Variants in GNAZ observed in about 807,000 individuals in gnomAD.
GNAZ encodes the protein G protein subunit alpha z.
In GNAZ, 3 loss-of-function variants were observed where a neutral mutation model predicts 25.4. The ratio of observed to expected loss-of-function variants is 0.12; its 90% CI spans 0.05 to 0.30. The LOEUF (loss-of-function observed/expected upper bound fraction) is 0.30. Among genes scored for constraint, GNAZ ranks in the 10% least tolerant of loss-of-function variants. The pLI is 1.00. For synonymous variants in GNAZ, 211 were observed against 205.7 expected (o/e 1.03, Z -0.22); for missense variants, 241 against 501.8 (o/e 0.48, Z 4.97).
rs1056359827 is a variant in GNAZ at position 23,095,663 on chromosome 22, G to A, written c.-33G>A. On this transcript the variant is annotated 5_prime_UTR_variant, in exon 2 of 3. In the 5' UTR this introduces an upstream ATG that the reference lacks. Transcript: ENST00000615612. Reference sequence around the variant, plus strand: ...GCAAGAGGGAGAGGTGCCCCATCCCGTGCTCCTTGTCTGGGCCCGCTGCTG... The same window carrying A: ...GCAAGAGGGAGAGGTGCCCCATCCCATGCTCCTTGTCTGGGCCCGCTGCTG... 1.6e-5 allele frequency: 25 copies of A among 1,572,592 alleles called. No homozygotes were observed. Among genetic ancestry groups the A allele is most frequent in the Middle Eastern group, 2.1e-4 (1 of 4,694 alleles).
chr22:23,096,608 G>A (rs1324981299), intron 2 of GNAZ, among the ~76,000 whole-genome samples, 190 bp downstream of exon 2: 2 of 152,300 alleles, frequency 1.3e-5, no homozygotes, highest in East Asian at 3.9e-4. Flanking sequence ...GAGTGCAGGT[G>A]TCATGTCCCA....
At chr22:23,087,778 A>G (rs141839950) in intron 1 of GNAZ, among the ~76,000 whole-genome samples, 24 of 152,188 alleles carry the variant, frequency 1.6e-4, no homozygotes, top group African/African-American at 5.8e-4. Flanking sequence ...GGGCCACAAG[A>G]TCAGATGAGC....
At position 23,123,863 on chromosome 22, in the gene GNAZ, C is replaced by T. The variant is rs1306626725; in HGVS notation, c.*432C>T. 4 of 219,770 alleles carry T rather than the reference C, an allele frequency of 1.8e-5. No homozygotes were observed. In the East Asian group the frequency reaches 3.3e-4, roughly 18 times the overall value. 13.6% of individuals were successfully genotyped at this position (219,770 alleles called of 1,614,324 possible). A position where few individuals can be genotyped will look rare whatever the true frequency, so the allele number is the denominator to read the frequency against. On this transcript the variant is annotated 3_prime_UTR_variant, in exon 3 of 3. Transcript: ENST00000615612. ...CCTGTCGCCTGGAGGAGGGCCAGCTCGCTGCCCGAGCTCTGGCCTAGGGAC... is the reference window on the plus strand; with the variant it reads ...CCTGTCGCCTGGAGGAGGGCCAGCTTGCTGCCCGAGCTCTGGCCTAGGGAC...
intron 2 of GNAZ, among the ~76,000 whole-genome samples, chr22:23,098,930 C>T (rs983514954): frequency 5.9e-5 from 9 of 152,366 alleles, no homozygotes; most frequent in Non-Finnish European, 1.0e-4. Context: ...CCTTTTGGAA[C>T]GTGCTGAACT....
chr22:23,100,582 T>C (rs1052773732), intron 2 of GNAZ, among the ~76,000 whole-genome samples: 1 of 152,164 alleles, frequency 6.6e-6, no homozygotes, highest in African/African-American at 2.4e-5. Flanking sequence ...CCTGGGGCCA[T>C]TGGCTTCCTG....
In GNAZ at chr22:23,071,117, G is replaced by C. The variant is rs568756160; in HGVS notation, c.-450+547G>C. On this transcript the variant is annotated intron_variant, in intron 1 of 2. Transcript: ENST00000615612. This position sits in a 1 kb window ranked among gnomAD's most constrained non-coding sequence, Gnocchi z 4.1. ...CGGTCACTGCTCTTGCAGCGAGCAG[G>C]TTCCTCACAGGCATTTAGAGGAAGA... 6.6e-6 allele frequency among the ~76,000 whole-genome samples: 1 copy of C among 152,224 alleles called. No homozygotes were observed. The highest frequency in any genetic ancestry group is 6.5e-5 in the Admixed American group (1 of 15,294).
chr22:23,072,717 G>A (rs1202082539), intron 1 of GNAZ, among the ~76,000 whole-genome samples: 1 of 152,236 alleles, frequency 6.6e-6, no homozygotes, highest in African/African-American at 2.4e-5. Context: ...CGCCTGGACT[G>A]TTGCAGGGAC....
intron 1 of GNAZ, among the ~76,000 whole-genome samples, chr22:23,092,846 T>A (rs1346673658): frequency 6.6e-6 from 1 of 152,158 alleles, no homozygotes; most frequent in African/African-American, 2.4e-5. Flanking sequence ...GTACCTCAGA[T>A]TTTCAAACGT....
chr22:23,099,580 C>A (rs1179353361), intron 2 of GNAZ, among the ~76,000 whole-genome samples: 2 of 152,250 alleles, frequency 1.3e-5, no homozygotes, highest in East Asian at 1.9e-4. Flanking sequence ...GAGGCTCAGG[C>A]ACACAGCTGG....
At chr22:23,106,811 G>A (rs1431568893) in intron 2 of GNAZ, among the ~76,000 whole-genome samples, 1 of 152,250 alleles carries the variant, frequency 6.6e-6, no homozygotes, top group Non-Finnish European at 1.5e-5. Flanking sequence ...TTCAGGAAAA[G>A]TTGTCCCTGT....
intron 1 of GNAZ, among the ~76,000 whole-genome samples, chr22:23,091,430 G>A (rs1460081098): frequency 1.3e-5 from 2 of 148,276 alleles, no homozygotes; most frequent in Admixed American, 6.7e-5. Context: ...GCACCACAAT[G>A]GATTTGCACA....
intron 2 of GNAZ, among the ~76,000 whole-genome samples, chr22:23,111,059 GATC>G (rs1397869117): frequency 6.6e-6 from 1 of 152,204 alleles, no homozygotes; most frequent in Admixed American, 6.5e-5. Flanking sequence ...TCCAGCAGGC[GATC>G]ATCATTTGCT....
At chr22:23,093,070 C>A (rs1338396057) in intron 1 of GNAZ, among the ~76,000 whole-genome samples, 1 of 152,244 alleles carries the variant, frequency 6.6e-6, no homozygotes, top group East Asian at 1.9e-4. Context: ...CACAGGGTCT[C>A]CATCCTCCAT....
At chr22:23,101,980 G>A (rs2069314724) in intron 2 of GNAZ, among the ~76,000 whole-genome samples, 2 of 152,222 alleles carry the variant, frequency 1.3e-5, no homozygotes, top group Admixed American at 1.3e-4. Context: ...TCTATGGCCT[G>A]TTATCCTACC....
intron 2 of GNAZ, among the ~76,000 whole-genome samples, chr22:23,118,739 T>G (rs949738357): frequency 1.3e-5 from 2 of 152,178 alleles, no homozygotes; most frequent in Non-Finnish European, 2.9e-5. Flanking sequence ...AAGGGGGTGA[T>G]GCACTACCAT....
intron 2 of GNAZ, among the ~76,000 whole-genome samples, chr22:23,120,178 C>T (rs999711437): frequency 2.0e-5 from 3 of 152,152 alleles, no homozygotes; most frequent in Non-Finnish European, 4.4e-5. Context: ...GAACAGGAGG[C>T]TCAAAGAGGT....
At position 23,071,898 on chromosome 22, in the gene GNAZ, G is replaced by A. The variant is rs975553344; in HGVS notation, c.-450+1328G>A. Among the ~76,000 whole-genome samples the A allele has an allele frequency of 7.2e-5, 11 of 152,212 alleles. No homozygotes were observed. The highest frequency in any genetic ancestry group is 6.5e-4 in the Admixed American group (10 of 15,284). On this transcript the variant is annotated intron_variant, in intron 1 of 2. Transcript: ENST00000615612. The surrounding 1 kb of genome is among the most constrained non-coding windows in gnomAD (Gnocchi z 4.1). ...TGATGGGAGCACTTAGCATGCCTGG[G>A]GAGTAGGAGGAGGTATGGCGGGAAA...
At chr22:23,080,383 A>G (rs1382794208) in intron 1 of GNAZ, among the ~76,000 whole-genome samples, 4 of 149,610 alleles carry the variant, frequency 2.7e-5, no homozygotes, top group Admixed American at 6.5e-5. Context: ...CGGTCATCTC[A>G]TCTCCCCTTC....
intron 1 of GNAZ, among the ~76,000 whole-genome samples, chr22:23,074,452 A>T (rs985928410): frequency 6.6e-5 from 10 of 152,162 alleles, no homozygotes; most frequent in African/African-American, 2.4e-4. Flanking sequence ...GATACAGAAA[A>T]ACCCATTCTG....
Sources: gnomAD v4.1 joint callset for allele counts (sites outside exome capture counted in the v4.1 genomes callset) on GRCh38, gnomAD v4.1.1 for gene constraint, Gnocchi (gnomAD v3.1) non-coding constraint, MANE v1.5 for transcripts, NCBI Gene and HGNC (gene_info 2026-07-23, HGNC 2026-07-21) for gene names.